Variants in CREB3L2 observed in about 807,000 individuals in gnomAD.
The protein encoded by CREB3L2 is cyclic AMP-responsive element-binding protein 3-like protein 2.
Under a neutral mutation model 57.2 loss-of-function variants are expected in CREB3L2, and 23 were observed. The ratio of observed to expected loss-of-function variants is 0.40; its 90% CI spans 0.29 to 0.57. The LOEUF (loss-of-function observed/expected upper bound fraction) is 0.57, where lower values mean the gene tolerates loss of function less well. Ranked by LOEUF, CREB3L2 falls within the 20% of genes least tolerant of loss-of-function variation. The pLI is 0.42. For synonymous variants in CREB3L2, 268 were observed against 265.1 expected (o/e 1.01, Z -0.11); for missense variants, 628 against 634.7 (o/e 0.99, Z 0.11).
chr7:137,983,442 T>C (rs1801742665), intron 1 of CREB3L2, among the ~76,000 whole-genome samples: 1 of 152,228 alleles, frequency 6.6e-6, no homozygotes, highest in Non-Finnish European at 1.5e-5. Flanking sequence ...CCAATAAATC[T>C]GGCTAACTTA....
rs151120352 is a variant in CREB3L2 at position 137,875,679 on chromosome 7, C to A, written c.*4797G>T. 6.8e-5 allele frequency: 15 copies of A among 221,520 alleles called. No homozygotes were observed. In the East Asian group the frequency reaches 9.9e-4, roughly 15 times the overall value. The allele number at this position is 221,520 out of a possible 1,614,324, so 13.7% of individuals were successfully genotyped here. On this transcript the variant is annotated 3_prime_UTR_variant, in exon 12 of 12. Transcript: ENST00000330387. ...TTACAGTGTGCTCACAGGAAGGAAT[C>A]GGCTCAGCTAGTCCAGAAATTGCTG... is the stretch of plus-strand genomic sequence containing the variant.
chr7:137,953,937 A>C (rs558003614), intron 1 of CREB3L2, among the ~76,000 whole-genome samples: 17 of 152,362 alleles, frequency 1.1e-4, no homozygotes, highest in Non-Finnish European at 2.1e-4. Context: ...GAAAAGCAGC[A>C]GGGGTGTGTG....
At chr7:137,956,084 G>C (rs760390505) in intron 1 of CREB3L2, among the ~76,000 whole-genome samples, 5 of 152,128 alleles carry the variant, frequency 3.3e-5, no homozygotes, top group Non-Finnish European at 7.4e-5. Flanking sequence ...TGTGTTACTA[G>C]GCACCAGGTA....
intron 2 of CREB3L2, among the ~76,000 whole-genome samples, chr7:137,923,369 G>C (rs189722506): frequency 1.3e-5 from 2 of 152,298 alleles, no homozygotes; most frequent in Admixed American, 1.3e-4. Flanking sequence ...GCAAAATAGC[G>C]TGTATTACAA....
rs1319462278 is a variant in CREB3L2, at chr7:137,876,496, A to G, written c.*3980T>C. 1 of 232,864 alleles carries G rather than the reference A, an allele frequency of 4.3e-6. No individual in the cohort carries two copies. The highest frequency in any genetic ancestry group is 8.5e-6 in the Non-Finnish European group (1 of 117,912). 14.4% of individuals were successfully genotyped at this position (232,864 alleles called of 1,614,324 possible). A position where few individuals can be genotyped will look rare whatever the true frequency, so the allele number is the denominator to read the frequency against. On this transcript the variant is annotated 3_prime_UTR_variant, in exon 12 of 12. Coordinates refer to ENST00000330387, the MANE Select transcript of CREB3L2 (RefSeq NM_194071.4). Reference sequence around the variant, plus strand: ...GCCTCAGGCAACACTCTTCCTTATGAAACTGAAAAGTCTTAGGAGTAACTG... The same window carrying G: ...GCCTCAGGCAACACTCTTCCTTATGGAACTGAAAAGTCTTAGGAGTAACTG...
chr7:137,901,914 C>T (rs1399946821), intron 7 of CREB3L2, among the ~76,000 whole-genome samples: 2 of 145,252 alleles, frequency 1.4e-5, no homozygotes, highest in Non-Finnish European at 3.0e-5. Flanking sequence ...GGAGCTGGGG[C>T]CGGGCGTAGT....
intron 5 of CREB3L2, among the ~76,000 whole-genome samples, chr7:137,907,223 T>C (rs538019776): frequency 6.6e-6 from 1 of 152,262 alleles, no homozygotes; most frequent in African/African-American, 2.4e-5. Context: ...GGATACCTGA[T>C]AATGAGTAAA....
At chr7:137,923,427 C>T (rs551993652) in intron 2 of CREB3L2, among the ~76,000 whole-genome samples, 25 of 152,302 alleles carry the variant, frequency 1.6e-4, no homozygotes, top group African/African-American at 6.0e-4. Flanking sequence ...GCCTGTCCTC[C>T]CCAATCACTG....
At chr7:137,988,651 A>T (rs1244336471) in intron 1 of CREB3L2, among the ~76,000 whole-genome samples, 1 of 152,216 alleles carries the variant, frequency 6.6e-6, no homozygotes, top group Admixed American at 6.5e-5. Flanking sequence ...GAACAGGTTA[A>T]TGAGTACAAA....
chr7:137,900,997 A>G (rs1260601916), intron 8 of CREB3L2, among the ~76,000 whole-genome samples: 2 of 152,092 alleles, frequency 1.3e-5, no homozygotes, highest in African/African-American at 4.8e-5. Flanking sequence ...CCCTAGTCAT[A>G]GTCCTTGTCA....
chr7:137,910,075 C>G (rs1268417149), intron 4 of CREB3L2, among the ~76,000 whole-genome samples: 1 of 152,120 alleles, frequency 6.6e-6, no homozygotes, highest in African/African-American at 2.4e-5. Flanking sequence ...GTCTTGGGTA[C>G]TTTATCAGCA....
At chr7:137,963,559 T>C (rs1010164794) in intron 1 of CREB3L2, among the ~76,000 whole-genome samples, 1 of 152,254 alleles carries the variant, frequency 6.6e-6, no homozygotes, top group African/African-American at 2.4e-5. Context: ...CACTCTCTGG[T>C]ATCATGATCC....
At chr7:137,884,922 T>C in intron 10 of CREB3L2, 73 bp downstream of exon 10, 1 of 1,573,478 alleles carries the variant, frequency 6.4e-7, no homozygotes, top group Non-Finnish European at 8.7e-7. Flanking sequence ...GAAGATTCCT[T>C]TTGGAAGACT....
chr7:137,946,900 T>TTA lies in CREB3L2; in HGVS notation c.103-18536_103-18535dup, dbSNP rs74203935. On this transcript the variant is annotated intron_variant, in intron 1 of 11. Transcript: ENST00000330387. ...GTTATCTATATAGTTATATATATAG[T>TTA]TATATATATAGTTATATATATAGTT... Among the ~76,000 whole-genome samples, 21 of 25,882 alleles carry TTA rather than the reference T, an allele frequency of 8.1e-4. 4 individuals are homozygous for TTA. Among genetic ancestry groups the TTA allele is most frequent in the South Asian group, 6.6e-3 (6 of 904 alleles). The allele number at this position is 25,882 out of a possible 152,430, so 17.0% of individuals were successfully genotyped here.
At chr7:137,988,663 G>C (rs1285781583) in intron 1 of CREB3L2, among the ~76,000 whole-genome samples, 2 of 152,178 alleles carry the variant, frequency 1.3e-5, no homozygotes, top group African/African-American at 4.8e-5. Flanking sequence ...GAGTACAAAG[G>C]CTATCCTTTT....
At chr7:137,949,234 C>T (rs2117268885) in intron 1 of CREB3L2, among the ~76,000 whole-genome samples, 1 of 152,308 alleles carries the variant, frequency 6.6e-6, no homozygotes, top group African/African-American at 2.4e-5. Context: ...ATTATCTCTG[C>T]CACAGTGAGG....
At chr7:137,931,399 G>A (rs1406742470) in intron 1 of CREB3L2, among the ~76,000 whole-genome samples, 1 of 151,858 alleles carries the variant, frequency 6.6e-6, no homozygotes, top group East Asian at 1.9e-4. Flanking sequence ...GTGGGCACCT[G>A]TAGTCCCAGC....
chr7:137,888,719 A>C (rs770187908), intron 8 of CREB3L2, among the ~76,000 whole-genome samples: 17 of 152,116 alleles, frequency 1.1e-4, no homozygotes, highest in Non-Finnish European at 2.1e-4. Flanking sequence ...CCTTCCTGCT[A>C]AGCTATGAAA....
intron 2 of CREB3L2, among the ~76,000 whole-genome samples, chr7:137,927,492 ATTACAC>A (rs979924243): frequency 1.3e-5 from 2 of 152,032 alleles, no homozygotes; most frequent in African/African-American, 4.8e-5. Context: ...AGAAAAGAAA[ATTACAC>A]TTAAAAGATA....
Sources: allele counts gnomAD v4.1 joint callset (sites outside exome capture counted in the v4.1 genomes callset), GRCh38; gene constraint gnomAD v4.1.1; transcripts MANE v1.5; gene names NCBI Gene and HGNC (gene_info 2026-07-23, HGNC 2026-07-21).